CBARP: variants seen among roughly 807,000 people sequenced by gnomAD.
CBARP encodes CACN subunit beta associated regulatory protein.
Under a neutral mutation model 36.3 loss-of-function variants are expected in CBARP, and 24 were observed. The ratio of observed to expected loss-of-function variants is 0.66; its 90% confidence interval spans 0.48 to 0.93. CBARP has a LOEUF of 0.93. CBARP is among the 40% of genes least tolerant of loss of function. The pLI is 0.00. For synonymous variants in CBARP, 586 were observed against 453.2 expected (o/e 1.29, Z -3.72); for missense variants, 1,146 against 980.4 (o/e 1.17, Z -2.26).
intron 4 of CBARP, 165 bp from the exon 5 acceptor site, chr19:1,235,310 A>G (rs1305355652): frequency 5.7e-6 from 6 of 1,049,980 alleles, no homozygotes; most frequent in Non-Finnish European, 7.9e-6. Context: ...TCACACACTC[A>G]CTCGCTCAGC....
In CBARP at chr19:1,229,885, G is replaced by A. The variant is rs2145444698; in HGVS notation, c.1412C>T (p.Ser471Leu). The change falls in exon 10 of 10, where the codon TCA (serine) becomes TTA (leucine). Residue 471 changes from serine (S) to leucine (L), a missense_variant. Ser to Leu is a moderately radical substitution (Grantham distance 145). Coordinates refer to ENST00000650044, the MANE Select transcript of CBARP (RefSeq NM_001393918.1). This position sits in a 1 kb window ranked among gnomAD's most constrained non-coding sequence, Gnocchi z 5.1. ...GGCGGGCGCCGCGCCCCCGGAGCCT[G>A]AGCCCGAGCTGTCGCCGCTGCGCAC... ...DSVRSGDSSG[S>L]GSGGAAPAFP... The A allele has an allele frequency of 3.8e-6, 4 of 1,039,212 alleles. No individual in the cohort carries two copies. The East Asian group carries it at 3.3e-4, about 86-fold the overall frequency. 64.4% of individuals were successfully genotyped at this position (1,039,212 alleles called of 1,614,324 possible).
rs1234693276 is a variant in CBARP at position 1,229,847 on chromosome 19, A to G, written c.1450T>C (p.Ser484Pro). ...GGAAPAFPPP[S>P]PPAPRPKDGE... ...TCCTTGGGCCGCGGCGCGGGCGGGGAGGGCGGCGGGAAGGCGGGCGCCGCG... is the reference window on the plus strand; with the variant it reads ...TCCTTGGGCCGCGGCGCGGGCGGGGGGGGCGGCGGGAAGGCGGGCGCCGCG... The change falls in exon 10 of 10, where the codon TCC becomes CCC. Residue 484 changes from serine (S) to proline (P), a missense_variant. Ser to Pro is a moderately conservative substitution (Grantham distance 74). Coordinates refer to ENST00000650044, the MANE Select transcript of CBARP (RefSeq NM_001393918.1). The surrounding 1 kb of genome is among the most constrained non-coding windows in gnomAD (Gnocchi z 5.1). 6.1e-6 allele frequency: 6 copies of G among 984,142 alleles called. No individual in the cohort carries two copies. In the East Asian group the frequency reaches 5.8e-4, roughly 94 times the overall value. The allele number at this position is 984,142 out of a possible 1,614,324, so 61.0% of individuals were successfully genotyped here. A position where few individuals can be genotyped will look rare whatever the true frequency, so the allele number is the denominator to read the frequency against.
chr19:1,230,691 G>C, intron 9 of CBARP: 1 of 1,279,874 alleles, frequency 7.8e-7, no homozygotes, highest in Non-Finnish European at 9.9e-7. Flanking sequence ...GTTGCCCTTG[G>C]GTTGGGGGAG....
Position 1,229,582 on chromosome 19 carries a change from C to T in CBARP, c.1715G>A (p.Arg572His), listed in dbSNP as rs1274215389. 1.7e-6 allele frequency: 2 copies of T among 1,166,806 alleles called. No homozygotes were observed. The highest frequency in any genetic ancestry group is 2.1e-6 in the Non-Finnish European group (2 of 931,618). The allele number at this position is 1,166,806 out of a possible 1,614,324, so 72.3% of individuals were successfully genotyped here. A position where few individuals can be genotyped will look rare whatever the true frequency, so the allele number is the denominator to read the frequency against. The change falls in exon 10 of 10, where the codon CGC (arginine) becomes CAC (histidine). Residue 572 changes from arginine to histidine, a missense_variant. Physicochemically the swap from Arg to His is conservative, Grantham distance 29. Coordinates refer to ENST00000650044, the MANE Select transcript of CBARP (RefSeq NM_001393918.1). The surrounding 1 kb of genome is among the most constrained non-coding windows in gnomAD (Gnocchi z 5.1). ...DTPAAARHRA[R>H]AHPHARKQWQ... ...CTGTTTGCGGGCGTGCGGGTGCGCG[C>T]GGGCGCGGTGTCGCGCGGCAGCCGG...
Position 1,229,932 on chromosome 19 carries a change from G to A in CBARP, c.1365C>T (p.Ser455=). The A allele has an allele frequency of 8.5e-7, 1 of 1,178,808 alleles. No individual in the cohort carries two copies. The highest frequency in any genetic ancestry group is 1.1e-6 in the Non-Finnish European group (1 of 931,362). The allele number at this position is 1,178,808 out of a possible 1,614,324, so 73.0% of individuals were successfully genotyped here. The change falls in exon 10 of 10, where the codon AGC becomes AGT. Residue 455 remains serine, a synonymous_variant. Coordinates refer to ENST00000650044, the MANE Select transcript of CBARP (RefSeq NM_001393918.1). The surrounding 1 kb of genome is among the most constrained non-coding windows in gnomAD (Gnocchi z 5.1). The part of the protein sequence containing the change: ...ELHAAASDHS[S]SGNDRDSVRS... ...GCACCGAGTCGCGGTCGTTGCCGCT[G>A]CTGCTGTGGTCCGAGGCGGCCGCAT...
Position 1,229,143 on chromosome 19 carries a change from A to C in CBARP, c.*36T>G. ...CCGCCGAGGCCCCGTGCGGCGCCGG[A>C]GAAGCTGCCAGAGAGATGGGCCCAG... On this transcript the variant is annotated 3_prime_UTR_variant, in exon 10 of 10. Transcript: ENST00000650044. This position sits in a 1 kb window ranked among gnomAD's most constrained non-coding sequence, Gnocchi z 5.1. 1 of 927,568 alleles carries C rather than the reference A, an allele frequency of 1.1e-6. No individual in the cohort carries two copies. Among genetic ancestry groups the C allele is most frequent in the Non-Finnish European group, 1.3e-6 (1 of 759,416 alleles). 57.5% of individuals were successfully genotyped at this position (927,568 alleles called of 1,614,324 possible). A position where few individuals can be genotyped will look rare whatever the true frequency, so the allele number is the denominator to read the frequency against.
At chr19:1,235,752 T>C (rs757743184) in intron 3 of CBARP, 27 bp downstream of exon 3, 6 of 1,606,110 alleles carry the variant, frequency 3.7e-6, no homozygotes, top group Non-Finnish European at 3.4e-6. Flanking sequence ...ACCATGCACC[T>C]GCCCAGCCGA....
At chr19:1,235,668 C>G (rs1214073535) in intron 3 of CBARP, 103 bp from the exon 4 acceptor site, 1 of 1,590,686 alleles carries the variant, frequency 6.3e-7, no homozygotes, top group Non-Finnish European at 8.6e-7. Flanking sequence ...CACCCAGTCT[C>G]CAGAGGCATA....
In CBARP at chr19:1,235,884, A is replaced by G. The variant is rs535814235; in HGVS notation, c.140T>C (p.Leu47Pro). The G allele has an allele frequency of 1.4e-5, 22 of 1,612,418 alleles. No homozygotes were observed. The highest frequency in any genetic ancestry group is 1.3e-5 in the African/African-American group (1 of 75,056). Residue 47 changes from leucine (L) to proline (P), a missense_variant, in exon 3 of 10, where the codon CTG becomes CCG. Physicochemically the swap from Leu to Pro is moderately conservative, Grantham distance 98. Coordinates refer to ENST00000650044, the MANE Select transcript of CBARP (RefSeq NM_001393918.1). ...GAACAGCGACATCACCACCACCAGC[A>G]GCACGTAGTTGTCCAGGATGGGGTC... is the stretch of plus-strand genomic sequence containing the variant. Reference protein sequence around the residue: ...EPDPILDNYVLLVVVMSLFVG... With the variant: ...EPDPILDNYVPLVVVMSLFVG...
intron 8 of CBARP, among the ~76,000 whole-genome samples, chr19:1,231,771 G>A (rs900872874): frequency 4.6e-5 from 7 of 151,924 alleles, no homozygotes; most frequent in African/African-American, 1.5e-4. Context: ...CAGTGGCTGT[G>A]TGTACACCCT....
At chr19:1,231,382 CCCCCCGCCACACACAACGCCTGTGGA>C in intron 8 of CBARP, 107 bp from the exon 9 acceptor site, 1 of 1,376,102 alleles carries the variant, frequency 7.3e-7, no homozygotes, top group Non-Finnish European at 9.6e-7. Flanking sequence ...ATGCCTGTGC[CCCCCCGCCACACACAACGCCTGTGGA>C]CCCCCACCAC....
chr19:1,235,812 T>C lies in CBARP; in HGVS notation c.212A>G (p.Lys71Arg). 1 of 1,609,948 alleles carries C rather than the reference T, an allele frequency of 6.2e-7. No homozygotes were observed. Among genetic ancestry groups the C allele is most frequent in the African/African-American group, 1.3e-5 (1 of 75,040 alleles). Residue 71 changes from lysine (K) to arginine (R), a missense_variant, in exon 3 of 10, where the codon AAG (lysine) becomes AGG (arginine). Lys to Arg is a conservative substitution (Grantham distance 26). Transcript: ENST00000650044. ...VVLSGVLLLC[K>R]RCWDVHQRLN... ...GCGCTGGTGGACGTCCCAGCAGCGC[T>C]TGCAGAGGAGCAGGACGCCAGACAA...
intron 6 of CBARP, 111 bp downstream of exon 6, chr19:1,234,460 C>T: frequency 2.8e-6 from 4 of 1,406,074 alleles, no homozygotes; most frequent in Non-Finnish European, 3.8e-6. Context: ...CCCCGCCCAT[C>T]CCGAGATGAG....
intron 3 of CBARP, 69 bp downstream of exon 3, chr19:1,235,710 A>G: frequency 6.2e-7 from 1 of 1,603,504 alleles, no homozygotes; most frequent in South Asian, 1.1e-5. Flanking sequence ...CCAGTGAGGT[A>G]GACCCCCCAC....
At chr19:1,230,948 G>A in intron 9 of CBARP, 153 bp downstream of exon 9, 3 of 1,581,870 alleles carry the variant, frequency 1.9e-6, no homozygotes, top group South Asian at 1.1e-5. Flanking sequence ...GGTGGCCCCA[G>A]TGAGTCCGCC....
chr19:1,229,951 G>A lies in CBARP; in HGVS notation c.1346C>T (p.Ala449Val). 1 of 1,202,338 alleles carries A rather than the reference G, an allele frequency of 8.3e-7. No homozygotes were observed. The allele number at this position is 1,202,338 out of a possible 1,614,324, so 74.5% of individuals were successfully genotyped here. ...SLRASLELHA[A>V]ASDHSSSGND... is the part of the protein sequence containing the mutation. ...GCCGCTGCTGCTGTGGTCCGAGGCG[G>A]CCGCATGCAGCTCAAGCGAGGCGCG... The change falls in exon 10 of 10, where the codon GCC (alanine) becomes GTC (valine). Residue 449 changes from alanine to valine, a missense_variant. Coordinates refer to ENST00000650044, the MANE Select transcript of CBARP (RefSeq NM_001393918.1). This position sits in a 1 kb window ranked among gnomAD's most constrained non-coding sequence, Gnocchi z 5.1.
chr19:1,235,909 C>T lies in CBARP; in HGVS notation c.115G>A (p.Asp39Asn), dbSNP rs1162487647. 6.2e-7 allele frequency: 1 copy of T among 1,611,322 alleles called. No individual in the cohort carries two copies. Among genetic ancestry groups the T allele is most frequent in the Admixed American group, 1.7e-5 (1 of 59,952 alleles). ...NATGRPTAEP[D>N]PILDNYVLLV... is the part of the protein sequence containing the mutation. ...AGCACGTAGTTGTCCAGGATGGGGT[C>T]TGGCTCTGCCTGCGGGTGTGCAGGG... Residue 39 changes from aspartate to asparagine, a missense_variant, in exon 3 of 10, where the codon GAC becomes AAC. Asp to Asn is a conservative substitution (Grantham distance 23, BLOSUM62 1). Transcript: ENST00000650044.
chr19:1,232,395 T>G, intron 8 of CBARP, among the ~76,000 whole-genome samples: 1 of 152,146 alleles, frequency 6.6e-6, no homozygotes, highest in East Asian at 1.9e-4. Context: ...TCCTCTGTCA[T>G]GCTGACAGCA....
At chr19:1,230,199 C>A in intron 9 of CBARP, 57 bp from the exon 10 acceptor site, 2 of 994,842 alleles carry the variant, frequency 2.0e-6, no homozygotes, top group Non-Finnish European at 2.4e-6. Flanking sequence ...CCTACCCGGC[C>A]GGCCATCCCG....
Sources: allele counts gnomAD v4.1 joint callset (sites outside exome capture counted in the v4.1 genomes callset), GRCh38; gene constraint gnomAD v4.1.1; non-coding constraint Gnocchi (gnomAD v3.1); transcripts MANE v1.5; gene names NCBI Gene and HGNC (gene_info 2026-07-23, HGNC 2026-07-21).